Variants in PLXNA1 observed in about 807,000 individuals in gnomAD.
PLXNA1 encodes plexin A1.
Under a neutral mutation model 191.7 loss-of-function variants are expected in PLXNA1, and 77 were observed. That is an observed-to-expected ratio of 0.40 (90% confidence interval 0.33 to 0.49). The LOEUF is 0.49. Among genes scored for constraint, PLXNA1 ranks in the 20% least tolerant of loss-of-function variants. The probability of loss-of-function intolerance (pLI) is 0.63; values close to 1 mark genes in which losing one functional copy is unlikely to be tolerated. For synonymous variants in PLXNA1, 1,137 were observed against 1,156.4 expected, an observed-to-expected ratio of 0.98 and a Z score of 0.34; for missense variants, 2,110 against 2,660.2, an observed-to-expected ratio of 0.79 and a Z score of 4.55.
intron 23 of PLXNA1, chr3:127,027,654 G>T (rs1312738514): frequency 3.5e-6 from 2 of 568,214 alleles, no homozygotes; most frequent in Admixed American, 2.2e-5. Flanking sequence ...TGCAGGTCCC[G>T]CGTGCCACGC....
At chr3:126,995,328 C>T (rs1463243248) in intron 3 of PLXNA1, among the ~76,000 whole-genome samples, 1 of 152,202 alleles carries the variant, frequency 6.6e-6, no homozygotes, top group South Asian at 2.1e-4. Flanking sequence ...CTGGGGACCC[C>T]GGGCCATGTC....
chr3:127,018,004 A>T (rs1213563785), intron 19 of PLXNA1, 112 bp downstream of exon 19: 7 of 1,427,490 alleles, frequency 4.9e-6, no homozygotes, highest in Non-Finnish European at 6.6e-6. Flanking sequence ...CCCCTAGCTC[A>T]GAGGGCGCCC....
intron 3 of PLXNA1, 111 bp downstream of exon 3, chr3:126,991,677 T>C: frequency 8.5e-7 from 1 of 1,181,826 alleles, no homozygotes; most frequent in East Asian, 2.7e-5. Context: ...AGGCTAGATC[T>C]GGCGTACAGG....
chr3:127,017,421 C>T lies in PLXNA1; in HGVS notation c.3277-4C>T, dbSNP rs769707562. 171 of 1,611,740 alleles carry T rather than the reference C, an allele frequency of 1.1e-4. 1 individual carries two copies. The East Asian group carries it at 3.8e-3, about 36-fold the overall frequency. On this transcript the variant is annotated splice_polypyrimidine_tract_variant and splice_region_variant and intron_variant, in intron 17 of 31. Coordinates refer to ENST00000393409, the MANE Select transcript of PLXNA1 (RefSeq NM_032242.4). ...CGCCCAGCATCCCCACCCTGTGTCT[C>T]CAGGGCTGCCTGGTGTACAATGACA... is the stretch of plus-strand genomic sequence containing the variant.
intron 23 of PLXNA1, among the ~76,000 whole-genome samples, chr3:127,024,133 C>T (rs943860735): frequency 3.3e-5 from 5 of 152,194 alleles, no homozygotes; most frequent in African/African-American, 4.8e-5. Flanking sequence ...GAGCCTAAAG[C>T]AGCAGGCGTC....
chr3:126,986,798 G>A (rs770497376), intron 1 of PLXNA1, among the ~76,000 whole-genome samples: 4 of 152,212 alleles, frequency 2.6e-5, no homozygotes, highest in Non-Finnish European at 4.4e-5. Context: ...GGAGGGGCAG[G>A]CAGCCCCACA....
intron 1 of PLXNA1, among the ~76,000 whole-genome samples, chr3:126,983,559 C>G (rs1576664638): frequency 6.8e-6 from 1 of 146,636 alleles, no homozygotes; most frequent in East Asian, 2.0e-4. Flanking sequence ...AGAGACCGCA[C>G]CCCCGTGCGG....
rs1297366541 is a variant in PLXNA1 at position 127,015,334 on chromosome 3, G to T, written c.3014+14G>T. The T allele has an allele frequency of 3.1e-6, 5 of 1,588,308 alleles. No individual in the cohort carries two copies. In the South Asian group the frequency reaches 4.5e-5, roughly 14 times the overall value. ...CTCCTTCTCCTGGTACGGGGTGCAG[G>T]TGGGGGTGGGGGCCTGGCTGCCCCT... is the stretch of plus-strand genomic sequence containing the variant. On this transcript the variant is annotated intron_variant, in intron 15 of 31. Coordinates refer to ENST00000393409, the MANE Select transcript of PLXNA1 (RefSeq NM_032242.4).
At chr3:126,995,570 G>T (rs931008611) in intron 3 of PLXNA1, among the ~76,000 whole-genome samples, 5 of 152,272 alleles carry the variant, frequency 3.3e-5, no homozygotes, top group African/African-American at 9.6e-5. Context: ...CTGAGGCCCA[G>T]CCTGCCCATT....
At chr3:127,032,245 GC>G in intron 29 of PLXNA1, 141 bp from the exon 30 acceptor site, 1 of 777,302 alleles carries the variant, frequency 1.3e-6, no homozygotes, top group Non-Finnish European at 2.0e-6. Flanking sequence ...TTAACCATGG[GC>G]CCTGCACCTC....
intron 9 of PLXNA1, among the ~76,000 whole-genome samples, chr3:127,011,446 T>C (rs1375156277): frequency 6.6e-6 from 1 of 152,208 alleles, no homozygotes; most frequent in Admixed American, 6.5e-5. Flanking sequence ...GTTTTCAGCA[T>C]CCCTATTTAA....
chr3:127,029,063 T>A lies in PLXNA1; in HGVS notation c.4740T>A (p.Asp1580Glu). ...DEDVTTKIDNDWKRLNTLAHY... is the reference protein window; with the variant it reads ...DEDVTTKIDNEWKRLNTLAHY... Reference sequence around the variant, plus strand: ...ACGTCACCACCAAGATTGACAACGATTGGAAGAGGCTGAACACACTGGCTC... The same window carrying A: ...ACGTCACCACCAAGATTGACAACGAATGGAAGAGGCTGAACACACTGGCTC... The change falls in exon 26 of 32, where the codon GAT (aspartate) becomes GAA (glutamate). Residue 1580 changes from aspartate to glutamate, a missense_variant. Asp to Glu is a conservative substitution (Grantham distance 45). Coordinates refer to ENST00000393409, the MANE Select transcript of PLXNA1 (RefSeq NM_032242.4). 2.5e-6 allele frequency: 4 copies of A among 1,613,616 alleles called. No homozygotes were observed. The highest frequency in any genetic ancestry group is 3.4e-6 in the Non-Finnish European group (4 of 1,179,872).
chr3:127,010,663 G>A (rs910719765), intron 9 of PLXNA1, among the ~76,000 whole-genome samples: 12 of 152,170 alleles, frequency 7.9e-5, no homozygotes, highest in African/African-American at 2.9e-4. Context: ...CTGGTGTTGG[G>A]GTGGGTGGTG....
rs1353238020 is a variant in PLXNA1 at position 127,020,153 on chromosome 3, GAGCGGGGCCACCAGGGCATGC to G, written c.3896-48_3896-28del. On this transcript the variant is annotated intron_variant, in intron 20 of 31. Coordinates refer to ENST00000393409, the MANE Select transcript of PLXNA1 (RefSeq NM_032242.4). Reference sequence around the variant, plus strand: ...CCAAGAGTGGGAGGGTTGGGGCATGGAGCGGGGCCACCAGGGCATGCTGCCCCTGACGCCGCATCTGGCCAC... The same window carrying G: ...CCAAGAGTGGGAGGGTTGGGGCATGGTGCCCCTGACGCCGCATCTGGCCAC... The G allele has an allele frequency of 4.4e-6, 7 of 1,602,270 alleles. No individual in the cohort carries two copies. The Admixed American group carries it at 6.7e-5, about 15-fold the overall frequency.
Position 126,989,368 on chromosome 3 carries a change from C to T in PLXNA1, c.775C>T (p.Leu259Phe). The stretch of plus-strand genomic sequence containing the variant: ...CCGCAGCGAGCAGTTTGTCTACTAC[C>T]TCACGCTGCAGCTAGACACACAGCT... ...SFRSEQFVYY[L>F]TLQLDTQLTS... The change falls in exon 2 of 32, where the codon CTC becomes TTC. Residue 259 changes from leucine to phenylalanine, a missense_variant. Around this residue, in one of 4 missense-constraint regions of PLXNA1, gnomAD observed 903 missense variants for 1,015.7 expected, o/e 0.89. Coordinates refer to ENST00000393409, the MANE Select transcript of PLXNA1 (RefSeq NM_032242.4). 1 of 1,613,644 alleles carries T rather than the reference C, an allele frequency of 6.2e-7. No individual in the cohort carries two copies. The highest frequency in any genetic ancestry group is 8.5e-7 in the Non-Finnish European group (1 of 1,180,050).
chr3:127,001,914 C>T (rs566746575), intron 3 of PLXNA1, among the ~76,000 whole-genome samples: 1 of 152,366 alleles, frequency 6.6e-6, no homozygotes, highest in East Asian at 1.9e-4. Flanking sequence ...CTGCCTCTGG[C>T]CACTGACCCA....
intron 1 of PLXNA1, among the ~76,000 whole-genome samples, chr3:126,986,811 G>A (rs930303882): frequency 6.6e-6 from 1 of 152,250 alleles, no homozygotes; most frequent in South Asian, 2.1e-4. Context: ...GCCCCACACT[G>A]CATGTGGGCA....
rs767186496 is a variant in PLXNA1, at chr3:126,991,562, G to T, written c.1373G>T (p.Arg458Leu). ...GCCGGCACGCGAAGTGGCCGCATCC[G>T]CAAGGTCAGGCCTGGGTGGGGTGGG... Reference protein sequence around the residue: ...VFAGTRSGRIRKILVDLSNPG... With the variant: ...VFAGTRSGRILKILVDLSNPG... The change falls in exon 3 of 32, where the codon CGC (arginine) becomes CTC (leucine). Residue 458 changes from arginine (R) to leucine (L), a missense_variant. Around this residue, in one of 4 missense-constraint regions of PLXNA1, gnomAD observed 903 missense variants for 1,015.7 expected, o/e 0.89. Transcript: ENST00000393409. 3.2e-6 allele frequency: 5 copies of T among 1,568,604 alleles called. No homozygotes were observed. The highest frequency in any genetic ancestry group is 2.4e-5 in the South Asian group (2 of 84,548).
At chr3:127,020,412 C>T in intron 21 of PLXNA1, 68 bp downstream of exon 21, 2 of 1,573,838 alleles carry the variant, frequency 1.3e-6, no homozygotes, top group Admixed American at 1.7e-5. Context: ...CTTTGAGGCT[C>T]CTTGGGTGCT....
Sources: gnomAD v4.1 joint callset for allele counts (sites outside exome capture counted in the v4.1 genomes callset) on GRCh38, gnomAD v4.1.1 for gene constraint, gnomAD v4.1.1 regional missense constraint, MANE v1.5 for transcripts, NCBI Gene and HGNC (gene_info 2026-07-23, HGNC 2026-07-21) for gene names.